The following RBPMS variants were observed in gnomAD, a reference collection of about 807,000 sequenced individuals.
RBPMS encodes the protein RNA-binding protein with multiple splicing.
Under a neutral mutation model 26.8 loss-of-function variants are expected in RBPMS, and 7 were observed. The ratio of observed to expected loss-of-function variants is 0.26; its 90% CI spans 0.15 to 0.49. The LOEUF is 0.49. Ranked by LOEUF, RBPMS falls within the 20% of genes least tolerant of loss-of-function variation. The pLI is 0.98. For missense variants in RBPMS, 186 were observed against 250.0 expected (o/e 0.74, Z 1.73); for synonymous variants, 96 against 93.3 (o/e 1.03, Z -0.17).
intron 1 of RBPMS, among the ~76,000 whole-genome samples, chr8:30,441,344 A>T (rs1813053792): frequency 6.6e-6 from 1 of 152,180 alleles, no homozygotes. Context: ...TTTTCAGCAC[A>T]GTCTGTGTGG....
chr8:30,556,756 G>A, intron 6 of RBPMS: 1 of 985,924 alleles, frequency 1.0e-6, no homozygotes. Context: ...TTTGCTTAGT[G>A]AGCAAGTGGA....
intron 5 of RBPMS, among the ~76,000 whole-genome samples, chr8:30,538,933 A>C (rs1274939088): frequency 6.6e-6 from 1 of 152,180 alleles, no homozygotes; most frequent in African/African-American, 2.4e-5. Context: ...ACTGCCCTGC[A>C]CCACGGGAGC....
chr8:30,558,647 A>G (rs993784595), intron 6 of RBPMS: 11 of 590,416 alleles, frequency 1.9e-5, no homozygotes, highest in Non-Finnish European at 3.4e-5. Flanking sequence ...AACCTCGGGC[A>G]CTTCTCGAGG....
At chr8:30,535,664 G>GT (rs1316162597) in intron 5 of RBPMS, among the ~76,000 whole-genome samples, 1 of 152,160 alleles carries the variant, frequency 6.6e-6, no homozygotes. Context: ...CTGGCTTCAG[G>GT]TGATCCTCCC....
intron 5 of RBPMS, among the ~76,000 whole-genome samples, chr8:30,511,475 AAAAAAAAAAAAATATATATATATATAT>A (rs1821601530): frequency 1.7e-4 from 1 of 6,058 alleles, no homozygotes; most frequent in African/African-American, 5.7e-4. Context: ...AAAAAAGAAA[AAAAAAAAAAAAATATATATATATATAT>A]ATATATATAT....
chr8:30,418,844 G>T (rs1328434075), intron 1 of RBPMS, among the ~76,000 whole-genome samples: 1 of 152,064 alleles, frequency 6.6e-6, no homozygotes, highest in Non-Finnish European at 1.5e-5. Context: ...CTCCCAAAAT[G>T]CTCGGCCTCC....
intron 1 of RBPMS, among the ~76,000 whole-genome samples, chr8:30,436,925 CT>C (rs370802180): frequency 2.4e-3 from 329 of 139,838 alleles, no homozygotes; most frequent in Non-Finnish European, 2.3e-3. Flanking sequence ...ATATATGTAG[CT>C]TTTTTTTTTT....
chr8:30,543,150 G>A (rs1456353959), intron 5 of RBPMS, among the ~76,000 whole-genome samples: 2 of 152,136 alleles, frequency 1.3e-5, no homozygotes, highest in Admixed American at 1.3e-4. Flanking sequence ...CTGAAAATGG[G>A]TACAAACTGC....
intron 5 of RBPMS, among the ~76,000 whole-genome samples, chr8:30,519,455 T>A (rs1442852228): frequency 8.2e-6 from 1 of 122,150 alleles, no homozygotes; most frequent in Non-Finnish European, 1.7e-5. Flanking sequence ...GGAGGATCTC[T>A]CTCTTTTTTT....
intron 4 of RBPMS, among the ~76,000 whole-genome samples, chr8:30,503,032 C>T (rs1005541909): frequency 4.5e-3 from 16 of 3,588 alleles, no homozygotes; most frequent in Non-Finnish European, 9.5e-3. Context: ...ATGAGTGAGT[C>T]ATGCTCATGA....
At chr8:30,415,931 T>G (rs547330626) in intron 1 of RBPMS, among the ~76,000 whole-genome samples, 1 of 152,350 alleles carries the variant, frequency 6.6e-6, no homozygotes, top group Admixed American at 6.5e-5. Flanking sequence ...TACTTAAAAT[T>G]ACTGTGTATG....
intron 1 of RBPMS, among the ~76,000 whole-genome samples, chr8:30,447,423 G>A (rs1247624465): frequency 6.6e-6 from 1 of 152,178 alleles, no homozygotes; most frequent in African/African-American, 2.4e-5. Flanking sequence ...AGTAAAGTGT[G>A]TAATAGTGCA....
chr8:30,561,201 A>G (rs937496587), intron 7 of RBPMS, among the ~76,000 whole-genome samples: 9 of 152,226 alleles, frequency 5.9e-5, no homozygotes, highest in South Asian at 2.1e-4. Context: ...TTCTTAAGCT[A>G]TAAGACTATA....
intron 7 of RBPMS, among the ~76,000 whole-genome samples, chr8:30,561,143 C>A (rs913214453): frequency 1.1e-4 from 17 of 152,180 alleles, no homozygotes; most frequent in African/African-American, 3.9e-4. Context: ...TTTGTGAATT[C>A]TAAAAGTTTG....
chr8:30,501,564 C>G (rs1476875891), intron 4 of RBPMS, among the ~76,000 whole-genome samples: 1 of 152,128 alleles, frequency 6.6e-6, no homozygotes, highest in Non-Finnish European at 1.5e-5. Flanking sequence ...AGTAGCCAGT[C>G]AGATTGGGGT....
intron 1 of RBPMS, among the ~76,000 whole-genome samples, chr8:30,456,766 C>T (rs930508169): frequency 2.6e-5 from 4 of 152,086 alleles, no homozygotes; most frequent in African/African-American, 9.7e-5. Flanking sequence ...CCAAAATGTA[C>T]AAAAATTAGC....
intron 5 of RBPMS, among the ~76,000 whole-genome samples, chr8:30,511,485 AAATATATATATATATATATATATATATAT>A (rs1821655418): frequency 1.6e-4 from 1 of 6,136 alleles, no homozygotes; most frequent in African/African-American, 3.4e-4. Flanking sequence ...AAAAAAAAAA[AAATATATATATATATATATATATATATAT>A]ATATATATAT....
chr8:30,506,001 C>T (rs1821035661), intron 5 of RBPMS, among the ~76,000 whole-genome samples: 1 of 152,126 alleles, frequency 6.6e-6, no homozygotes, highest in South Asian at 2.1e-4. Flanking sequence ...GCTGGTGATA[C>T]TTAACTTTAC....
intron 6 of RBPMS, chr8:30,558,154 A>G (rs1330167367): frequency 2.7e-5 from 4 of 150,344 alleles, no homozygotes; most frequent in South Asian, 2.1e-4. Context: ...GTGAGCCACC[A>G]CACCCATTTT....
Sources: gnomAD v4.1 joint callset for allele counts (sites outside exome capture counted in the v4.1 genomes callset) on GRCh38, gnomAD v4.1.1 for gene constraint, MANE v1.5 for transcripts, NCBI Gene and HGNC (gene_info 2026-07-23, HGNC 2026-07-21) for gene names.